Variants in ZFP1 observed in about 807,000 individuals in gnomAD.
ZFP1 encodes ZFP1 zinc finger protein, also known as zinc finger protein 1 homolog.
A neutral mutation model predicts 38.5 loss-of-function variants in ZFP1; 32 were observed. That is an observed-to-expected ratio of 0.83 (90% CI 0.63 to 1.12). The LOEUF is 1.12. Among genes scored for constraint, ZFP1 ranks in the 50% most tolerant of loss-of-function variants. The pLI is 0.00. For missense variants in ZFP1, 616 were observed against 480.8 expected (o/e 1.28, Z -2.63); for synonymous variants, 245 against 168.8 (o/e 1.45, Z -3.50).
rs777476771 is a variant in ZFP1, at chr16:75,166,904, C to T, written c.142+8C>T. The T allele has an allele frequency of 6.0e-5, 96 of 1,612,462 alleles. No individual in the cohort carries two copies. The highest frequency in any genetic ancestry group is 1.7e-4 in the Middle Eastern group (1 of 6,054). ...GCAACTTACTTTCAGTGGGTAAGGA[C>T]GGTTTTCAGGTACAGCTCACCATGT... On this transcript the variant is annotated splice_region_variant and intron_variant, in intron 3 of 3. Transcript: ENST00000570010.
At chr16:75,147,776 G>A (rs866599725), upstream of ZFP1, among the ~76,000 whole-genome samples, 1 of 152,142 alleles carries the variant, frequency 6.6e-6, no homozygotes, top group African/African-American at 2.4e-5. Flanking sequence ...AGGGTGAAGG[G>A]AAATGGGAAG....
the ZFP1 span, chr16:75,126,276 A>C: frequency 6.7e-6 from 1 of 150,002 alleles, no homozygotes; most frequent in Admixed American, 6.6e-5. Context: ...CAGCCTCCCA[A>C]GTAGCTGGGA....
the ZFP1 span, among the ~76,000 whole-genome samples, chr16:75,134,431 A>G: frequency 5.3e-5 from 8 of 152,078 alleles, no homozygotes; most frequent in African/African-American, 1.9e-4. Context: ...ATCAATAGCC[A>G]GATCCCATCC....
rs2038465108 is a variant in ZFP1 at position 75,172,088 on chromosome 16, A to G, written c.*1754A>G. ...TGGATGAATAAATTGTGGTAAAAAC[A>G]TACCATGGCTGAATGGTATTTCCTT... On this transcript the variant is annotated 3_prime_UTR_variant, in exon 4 of 4. Transcript: ENST00000570010. 1 of 152,258 alleles carries G rather than the reference A, an allele frequency of 6.6e-6. No homozygotes were observed. The allele number at this position is 152,258 out of a possible 1,614,324, so 9.4% of individuals were successfully genotyped here.
At chr16:75,169,153 GAGTC>G (rs1449546644) in intron 3 of ZFP1, 96 bp from the exon 4 acceptor site, 16 of 1,386,978 alleles carry the variant, frequency 1.2e-5, no homozygotes, top group Middle Eastern at 1.9e-4. Flanking sequence ...CCAAACTAAA[GAGTC>G]AGCCCTGTGA....
rs1017744807 is a variant in ZFP1, at chr16:75,158,081, C to A, written c.15+5115C>A. Among the ~76,000 whole-genome samples, 11 of 151,674 alleles carry A rather than the reference C, an allele frequency of 7.3e-5. No homozygotes were observed. The Admixed American group carries it at 7.3e-4, about 10-fold the overall frequency. ...GGGATTACAAATGTGAACCACCATG[C>A]CTGGCCCATACCTCCTTTTTTTTAT... On this transcript the variant is annotated intron_variant, in intron 2 of 3. Transcript: ENST00000570010.
chr16:75,143,283 C>A, the ZFP1 span, among the ~76,000 whole-genome samples: 5 of 152,068 alleles, frequency 3.3e-5, no homozygotes, highest in Non-Finnish European at 7.4e-5. Flanking sequence ...CTCTTGTTGC[C>A]CAGGCTGGAG....
chr16:75,124,802 A>AAAG, the ZFP1 span, among the ~76,000 whole-genome samples: 6 of 135,766 alleles, frequency 4.4e-5, 1 homozygote, highest in Non-Finnish European at 6.2e-5. Flanking sequence ...AAAAAAAAAA[A>AAAG]GCAAGGTAAA....
chr16:75,145,389 C>G (rs1444206733), upstream of ZFP1, among the ~76,000 whole-genome samples: 1 of 152,194 alleles, frequency 6.6e-6, no homozygotes, highest in Non-Finnish European at 1.5e-5. Flanking sequence ...ATGATATGGA[C>G]AGGAGGCAGG....
intron 2 of ZFP1, among the ~76,000 whole-genome samples, chr16:75,158,390 C>G (rs1396896427): frequency 6.6e-6 from 1 of 151,228 alleles, no homozygotes; most frequent in Non-Finnish European, 1.5e-5. Context: ...TCTTTCTCAC[C>G]CAGGCTGCAG....
chr16:75,131,708 A>C, the ZFP1 span, among the ~76,000 whole-genome samples: 1 of 152,188 alleles, frequency 6.6e-6, no homozygotes, highest in African/African-American at 2.4e-5. Context: ...TCACGCCTGT[A>C]ATCCCAGCAC....
rs149222288 is a variant in ZFP1, at chr16:75,169,589, A to G, written c.479A>G (p.Lys160Arg). 8.1e-6 allele frequency: 13 copies of G among 1,596,418 alleles called. No individual in the cohort carries two copies. In the Admixed American group the frequency reaches 2.2e-4, roughly 27 times the overall value. Reference protein sequence around the residue: ...HSGVEYSEYNKSGKALSHKAA... With the variant: ...HSGVEYSEYNRSGKALSHKAA... Reference sequence around the variant, plus strand: ...GGAGTAGAATATTCTGAATACAATAAAAGTGGAAAAGCCCTCAGCCATAAA... The same window carrying G: ...GGAGTAGAATATTCTGAATACAATAGAAGTGGAAAAGCCCTCAGCCATAAA... The change falls in exon 4 of 4, where the codon AAA becomes AGA. Residue 160 changes from lysine to arginine, a missense_variant. Physicochemically the swap from Lys to Arg is conservative, Grantham distance 26. Transcript: ENST00000570010.
chr16:75,168,711 T>G (rs1164589255), intron 3 of ZFP1, among the ~76,000 whole-genome samples: 1 of 152,186 alleles, frequency 6.6e-6, no homozygotes, highest in Non-Finnish European at 1.5e-5. Flanking sequence ...GAAGTGCTGT[T>G]CTCTGGAAAT....
At chr16:75,130,084 C>G in the ZFP1 span, among the ~76,000 whole-genome samples, 1 of 152,128 alleles carries the variant, frequency 6.6e-6, no homozygotes, top group Non-Finnish European at 1.5e-5. Flanking sequence ...GCAACCTCCA[C>G]CTCCTGGGTT....
the ZFP1 span, among the ~76,000 whole-genome samples, chr16:75,123,122 GGC>G: frequency 6.6e-6 from 1 of 151,954 alleles, no homozygotes; most frequent in Non-Finnish European, 1.5e-5. Flanking sequence ...GGGAGGACAA[GGC>G]GAGTGGATCA....
chr16:75,121,231 C>T, the ZFP1 span, among the ~76,000 whole-genome samples: 1 of 151,140 alleles, frequency 6.6e-6, no homozygotes, highest in Non-Finnish European at 1.5e-5. Context: ...GGGGTGATCT[C>T]TGTACTCCAG....
the ZFP1 span, among the ~76,000 whole-genome samples, chr16:75,122,066 A>G: frequency 3.9e-5 from 6 of 152,234 alleles, no homozygotes; most frequent in Non-Finnish European, 5.9e-5. Flanking sequence ...CAGTGCCACA[A>G]AGAAATAGCA....
At chr16:75,156,632 G>A (rs1248360063) in intron 2 of ZFP1, among the ~76,000 whole-genome samples, 1 of 152,198 alleles carries the variant, frequency 6.6e-6, no homozygotes, top group African/African-American at 2.4e-5. Flanking sequence ...GCTCAACATA[G>A]TTGGGCCGTG....
chr16:75,164,006 A>G (rs1801787170), intron 2 of ZFP1, among the ~76,000 whole-genome samples: 1 of 152,196 alleles, frequency 6.6e-6, no homozygotes, highest in African/African-American at 2.4e-5. Flanking sequence ...TGGGGTATCC[A>G]TGCTCTTTGT....
Sources: allele counts gnomAD v4.1 joint callset (sites outside exome capture counted in the v4.1 genomes callset), GRCh38; gene constraint gnomAD v4.1.1; transcripts MANE v1.5; gene names NCBI Gene and HGNC (gene_info 2026-07-23, HGNC 2026-07-21).